KIAA1958: variants seen among roughly 807,000 people sequenced by gnomAD.
KIAA1958 encodes the protein KIAA1958.
A neutral mutation model predicts 47.2 loss-of-function variants in KIAA1958; 14 were observed. The observed-to-expected ratio is 0.30, with a 90% confidence interval of 0.20 to 0.46. KIAA1958 has a LOEUF of 0.46. Among genes scored for constraint, KIAA1958 ranks in the 20% least tolerant of loss-of-function variants. The pLI, the probability that KIAA1958 is intolerant of heterozygous loss-of-function variation, is 1.00. For missense variants in KIAA1958, 803 were observed against 909.2 expected (o/e 0.88, Z 1.50); for synonymous variants, 354 against 353.3 (o/e 1.00, Z -0.02).
At chr9:112,591,075 G>A (rs1233602302) in intron 2 of KIAA1958, among the ~76,000 whole-genome samples, 1 of 152,050 alleles carries the variant, frequency 6.6e-6, no homozygotes, top group Non-Finnish European at 1.5e-5. Flanking sequence ...GATTTACTTG[G>A]TGATGGTTTA....
intron 1 of KIAA1958, among the ~76,000 whole-genome samples, chr9:112,553,081 T>TTTTCC (rs1304008513): frequency 3.2e-4 from 48 of 148,076 alleles, no homozygotes; most frequent in African/African-American, 9.9e-4. Flanking sequence ...CTCCACACCC[T>TTTTCC]TTTCCTTTCC....
intron 1 of KIAA1958, among the ~76,000 whole-genome samples, chr9:112,524,775 T>G (rs1588001428): frequency 6.6e-6 from 1 of 152,210 alleles, no homozygotes; most frequent in South Asian, 2.1e-4. Context: ...ATTTAGCCAC[T>G]GTAGAAGAGG....
At position 112,667,796 on chromosome 9, in the gene KIAA1958, C is replaced by T. The variant is rs1837370387; in HGVS notation, c.*7727C>T. 6.6e-6 allele frequency: 1 copy of T among 152,036 alleles called. No homozygotes were observed. Among genetic ancestry groups the T allele is most frequent in the South Asian group, 2.1e-4 (1 of 4,826 alleles). The allele number at this position is 152,036 out of a possible 1,614,324, so 9.4% of individuals were successfully genotyped here. A position where few individuals can be genotyped will look rare whatever the true frequency, so the allele number is the denominator to read the frequency against. ...ATATATGAGCTATGTAATAGTCTTA[C>T]AAAGATAATAAGTTGTACAGCAACC... On this transcript the variant is annotated 3_prime_UTR_variant, in exon 4 of 4. Transcript: ENST00000337530.
chr9:112,628,481 T>C (rs1380076329), intron 2 of KIAA1958, among the ~76,000 whole-genome samples: 1 of 152,242 alleles, frequency 6.6e-6, no homozygotes, highest in Non-Finnish European at 1.5e-5. Flanking sequence ...AATTTAATTA[T>C]GTGTGGTCTA....
chr9:112,507,996 G>C (rs908952547), intron 1 of KIAA1958, among the ~76,000 whole-genome samples: 1 of 151,340 alleles, frequency 6.6e-6, no homozygotes, highest in African/African-American at 2.4e-5. Context: ...TAAAATCTTT[G>C]GACTCCTTTC....
chr9:112,624,756 A>C (rs911178149), intron 2 of KIAA1958, among the ~76,000 whole-genome samples: 3 of 152,198 alleles, frequency 2.0e-5, no homozygotes, highest in African/African-American at 7.2e-5. Flanking sequence ...AATTAGAACC[A>C]GAGTATTAAT....
At chr9:112,587,383 C>CA (rs1835844994) in intron 2 of KIAA1958, among the ~76,000 whole-genome samples, 1 of 152,312 alleles carries the variant, frequency 6.6e-6, no homozygotes, top group African/African-American at 2.4e-5. Flanking sequence ...CACCTGACCT[C>CA]AAGTGATCCA....
chr9:112,648,429 A>T (rs1297625506), intron 3 of KIAA1958, among the ~76,000 whole-genome samples: 1 of 152,202 alleles, frequency 6.6e-6, no homozygotes, highest in Non-Finnish European at 1.5e-5. Flanking sequence ...ATCTCCCTCA[A>T]ATACTCAGCT....
chr9:112,648,676 G>C (rs1204536598), intron 3 of KIAA1958, among the ~76,000 whole-genome samples: 2 of 152,104 alleles, frequency 1.3e-5, no homozygotes, highest in African/African-American at 4.8e-5. Flanking sequence ...AAGAAATCTT[G>C]AAAATGCTTT....
intron 1 of KIAA1958, among the ~76,000 whole-genome samples, chr9:112,513,488 G>C (rs1488680971): frequency 4.6e-3 from 7 of 1,522 alleles, no homozygotes; most frequent in African/African-American, 8.3e-3. Context: ...GTCGGTGGCC[G>C]CGGCTGGTGG....
At chr9:112,619,664 A>ATG (rs1356157458) in intron 2 of KIAA1958, among the ~76,000 whole-genome samples, 1 of 152,334 alleles carries the variant, frequency 6.6e-6, no homozygotes, top group Admixed American at 6.5e-5. Flanking sequence ...ACTGTTACAT[A>ATG]GCTCATTTTA....
rs181986431 is a variant in KIAA1958, at chr9:112,596,502, C to T, written c.1171+21251C>T. ...AGAAAAGCTTTCTTTTCCTGTTTTG[C>T]CTATACTTATAAATGAGTATAGAAT... On this transcript the variant is annotated intron_variant, in intron 2 of 3. Transcript: ENST00000337530. 3.9e-5 allele frequency among the ~76,000 whole-genome samples: 6 copies of T among 152,170 alleles called. No homozygotes were observed. The East Asian group carries it at 1.2e-3, about 29-fold the overall frequency.
At chr9:112,595,825 G>C (rs1305397582) in intron 2 of KIAA1958, among the ~76,000 whole-genome samples, 2 of 147,378 alleles carry the variant, frequency 1.4e-5, no homozygotes, top group African/African-American at 5.0e-5. Context: ...CACTCTTATT[G>C]CCCAGGCTGG....
At chr9:112,628,627 A>G (rs1364066913) in intron 2 of KIAA1958, among the ~76,000 whole-genome samples, 2 of 152,210 alleles carry the variant, frequency 1.3e-5, no homozygotes, top group African/African-American at 4.8e-5. Flanking sequence ...TTATGGCATG[A>G]TATATCCTGA....
At chr9:112,489,160 T>A (rs1367223403) in intron 1 of KIAA1958, among the ~76,000 whole-genome samples, 2 of 152,238 alleles carry the variant, frequency 1.3e-5, no homozygotes, top group African/African-American at 4.8e-5. Flanking sequence ...GATCAGGCTT[T>A]ATCGTGAATC....
At chr9:112,554,283 A>G (rs1017603956) in intron 1 of KIAA1958, among the ~76,000 whole-genome samples, 1 of 152,126 alleles carries the variant, frequency 6.6e-6, no homozygotes, top group African/African-American at 2.4e-5. Flanking sequence ...GCGGATCACG[A>G]GGTCAGGAGT....
intron 2 of KIAA1958, among the ~76,000 whole-genome samples, chr9:112,610,600 G>A (rs551823867): frequency 3.3e-5 from 5 of 152,116 alleles, no homozygotes; most frequent in Non-Finnish European, 5.9e-5. Context: ...CTTGGAAGAA[G>A]TAGATGATTT....
chr9:112,569,536 A>C (rs7873265), intron 1 of KIAA1958, among the ~76,000 whole-genome samples: 145,428 of 152,240 alleles, frequency 0.96, 69,539 homozygotes, highest in African/African-American at 0.99. Context: ...GTAGCCAATC[A>C]GCTCATCTGA....
intron 1 of KIAA1958, among the ~76,000 whole-genome samples, chr9:112,539,351 T>C (rs1834903260): frequency 6.6e-6 from 1 of 152,224 alleles, no homozygotes; most frequent in Non-Finnish European, 1.5e-5. Flanking sequence ...AATGGAATAT[T>C]ATTTGGACAT....
Sources: gnomAD v4.1 joint callset for allele counts (sites outside exome capture counted in the v4.1 genomes callset) on GRCh38, gnomAD v4.1.1 for gene constraint, MANE v1.5 for transcripts, NCBI Gene and HGNC (gene_info 2026-07-23, HGNC 2026-07-21) for gene names.